PRPF8: variants seen among roughly 807,000 people sequenced by gnomAD.
The protein encoded by PRPF8 is pre-mRNA processing factor 8.
PRPF8 carries 64 observed loss-of-function variants against 285.9 expected under a neutral mutation model. The observed-to-expected ratio is 0.22, with a 90% CI of 0.18 to 0.28. The LOEUF is 0.28. PRPF8 is among the 10% of genes least tolerant of loss of function. The pLI, the probability that PRPF8 is intolerant of heterozygous loss-of-function variation, is 1.00. For synonymous variants in PRPF8, 1,325 were observed against 1,118.2 expected, an observed-to-expected ratio of 1.18 and a Z score of -3.69; for missense variants, 1,426 against 3,026.7, an observed-to-expected ratio of 0.47 and a Z score of 12.41.
At chr17:1,662,950 T>C (rs576725017) in intron 24 of PRPF8, among the ~76,000 whole-genome samples, 28 of 152,148 alleles carry the variant, frequency 1.8e-4, no homozygotes, top group African/African-American at 5.8e-4. Flanking sequence ...ATATTTTTTC[T>C]CATTTTGCAA....
At chr17:1,677,829 A>C in intron 13 of PRPF8, 135 bp from the exon 14 acceptor site, 1 of 1,185,608 alleles carries the variant, frequency 8.4e-7, no homozygotes, top group Non-Finnish European at 1.2e-6. Flanking sequence ...AGGGGTAAAA[A>C]GAAAAAAAAA....
chr17:1,652,655 C>T (rs1186254163), intron 39 of PRPF8: 2 of 152,696 alleles, frequency 1.3e-5, no homozygotes, highest in African/African-American at 4.8e-5. Context: ...AGGTGATCCT[C>T]CCACCTCAGC....
At position 1,681,654 on chromosome 17, in the gene PRPF8, G is replaced by A. The variant is rs200640834; in HGVS notation, c.690C>T (p.Phe230=). The part of the protein sequence containing the change: ...VNGSTYQRWQ[F]TLPMMSTLYR... ...AGAGAGTCGACATCATAGGTAGTGT[G>A]AACTGCCAGCGCTGGTAAGTGGAGC... is the stretch of plus-strand genomic sequence containing the variant. Residue 230 remains phenylalanine, a synonymous_variant, in exon 6 of 43, where the codon TTC becomes TTT. Transcript: ENST00000304992. 416 of 1,614,120 alleles carry A rather than the reference G, an allele frequency of 2.6e-4. 3 individuals carry two copies. In the South Asian group the frequency reaches 4.3e-3, roughly 17 times the overall value.
Position 1,659,489 on chromosome 17 carries a change from C to T in PRPF8, c.5006G>A (p.Gly1669Glu). The change falls in exon 32 of 43, where the codon GGG becomes GAG. Residue 1669 changes from glycine to glutamate, a missense_variant. Gly to Glu is a moderately conservative substitution (Grantham distance 98, BLOSUM62 -2). Around this residue, in one of 34 missense-constraint regions of PRPF8, gnomAD observed 74 missense variants for 161.8 expected, o/e 0.46. Transcript: ENST00000304992. The surrounding 1 kb of genome is among the most constrained non-coding windows in gnomAD (Gnocchi z 5.1). ...CTCAATGTCGTGGGAATCATAGTCC[C>T]CCCAGCGCAACTGGATGTCAATCCA... ...KYWIDIQLRW[G>E]DYDSHDIERY... The T allele has an allele frequency of 6.2e-7, 1 of 1,614,116 alleles. No individual in the cohort carries two copies. The highest frequency in any genetic ancestry group is 8.5e-7 in the Non-Finnish European group (1 of 1,180,026).
Position 1,681,562 on chromosome 17 carries a change from T to C in PRPF8, c.782A>G (p.Lys261Arg). The C allele has an allele frequency of 6.2e-7, 1 of 1,613,862 alleles. No individual in the cohort carries two copies. Among genetic ancestry groups the C allele is most frequent in the Admixed American group, 1.7e-5 (1 of 59,992 alleles). ...DDNYFYLFDL[K>R]AFFTSKALNM... ...GAGTGCCTTGGACGTAAAGAAGGCC[T>C]TCAAATCAAACAGGTAGAAGTAGTT... The change falls in exon 6 of 43, where the codon AAG becomes AGG. Residue 261 changes from lysine (K) to arginine (R), a missense_variant. Around this residue, in one of 34 missense-constraint regions of PRPF8, gnomAD observed 157 missense variants for 159.6 expected, o/e 0.98. Transcript: ENST00000304992.
chr17:1,681,373 C>A, intron 6 of PRPF8, 105 bp downstream of exon 6: 1 of 1,273,482 alleles, frequency 7.9e-7, no homozygotes, highest in Non-Finnish European at 1.1e-6. Context: ...AGCCACTGCA[C>A]CTGGTGTAAA....
rs779897710 is a variant in PRPF8 at position 1,682,227 on chromosome 17, C to G, written c.336G>C (p.Gln112His). Residue 112 changes from glutamine (Q) to histidine (H), a missense_variant, in exon 4 of 43, where the codon CAG becomes CAC. Physicochemically the swap from Gln to His is conservative, Grantham distance 24. Around this residue, in one of 34 missense-constraint regions of PRPF8, gnomAD observed 96 missense variants for 188.3 expected, o/e 0.51. Transcript: ENST00000304992. ...GGTACAGCACAGGCACATCCCGAAT[C>G]TGCTCCCAAGGCATAGGCATGTTCT... is the stretch of plus-strand genomic sequence containing the variant. ...LLENMPMPWE[Q>H]IRDVPVLYHI... The G allele has an allele frequency of 3.1e-6, 5 of 1,614,054 alleles. No individual in the cohort carries two copies. The Admixed American group carries it at 6.7e-5, about 22-fold the overall frequency.
At position 1,675,362 on chromosome 17, in the gene PRPF8, T is replaced by C. The variant is rs1416145813; in HGVS notation, c.2873-23A>G. The C allele has an allele frequency of 6.2e-7, 1 of 1,613,754 alleles. No individual in the cohort carries two copies. Among genetic ancestry groups the C allele is most frequent in the Non-Finnish European group, 8.5e-7 (1 of 1,179,852 alleles). On this transcript the variant is annotated intron_variant, in intron 19 of 42. Coordinates refer to ENST00000304992, the MANE Select transcript of PRPF8 (RefSeq NM_006445.4). The surrounding 1 kb of genome is among the most constrained non-coding windows in gnomAD (Gnocchi z 6.0). The stretch of plus-strand genomic sequence containing the variant: ...TGCCTGAGGAGTAGCAAGGCAGGTC[T>C]CCAGCAGGTTAGAAATCCTCTTGCA...
In PRPF8 at chr17:1,676,840, C is replaced by T; in HGVS notation, c.2182-129G>A. ...AGGAGCTTGAGGCCAGCCTAAGCAACATGGTGCTTCTTTTCCCTGTCTAAA... is the reference window on the plus strand; with the variant it reads ...AGGAGCTTGAGGCCAGCCTAAGCAATATGGTGCTTCTTTTCCCTGTCTAAA... On this transcript the variant is annotated intron_variant, in intron 15 of 42. Transcript: ENST00000304992. This position sits in a 1 kb window ranked among gnomAD's most constrained non-coding sequence, Gnocchi z 6.3. 6.8e-7 allele frequency: 1 copy of T among 1,467,764 alleles called. No homozygotes were observed. Among genetic ancestry groups the T allele is most frequent in the Non-Finnish European group, 9.4e-7 (1 of 1,058,392 alleles). The allele number at this position is 1,467,764 out of a possible 1,614,324, so 90.9% of individuals were successfully genotyped here. A position where few individuals can be genotyped will look rare whatever the true frequency, so the allele number is the denominator to read the frequency against.
Position 1,651,403 on chromosome 17 carries a change from C to T in PRPF8, c.6650+11G>A, listed in dbSNP as rs754989146. ...CCCCACCATACTTCCTCCCAAGGAG[C>T]CCAGGCCCACCTGCATGTGATGATA... On this transcript the variant is annotated intron_variant, in intron 41 of 42. Transcript: ENST00000304992. This position sits in a 1 kb window ranked among gnomAD's most constrained non-coding sequence, Gnocchi z 5.1. 3.7e-6 allele frequency: 6 copies of T among 1,614,096 alleles called. No homozygotes were observed. In the East Asian group the frequency reaches 1.1e-4, roughly 30 times the overall value.
In PRPF8 at chr17:1,684,594, C is replaced by G. The variant is rs1168660205; in HGVS notation, c.-11-12G>C. 1.9e-6 allele frequency: 3 copies of G among 1,611,130 alleles called. No individual in the cohort carries two copies. The African/African-American group carries it at 4.0e-5, about 22-fold the overall frequency. On this transcript the variant is annotated splice_polypyrimidine_tract_variant and intron_variant, in intron 1 of 42. Coordinates refer to ENST00000304992, the MANE Select transcript of PRPF8 (RefSeq NM_006445.4). ...CATATCCGGAGAATCTGGGGAGCGG[C>G]GGGATAGAAAAATTCACTAACCACA...
intron 24 of PRPF8, among the ~76,000 whole-genome samples, chr17:1,666,546 C>CAAAAAGA (rs557014372): frequency 0.05 from 5,598 of 112,832 alleles, 118 homozygotes; most frequent in Middle Eastern, 0.069. Context: ...GACCCCATCT[C>CAAAAAGA]AAAAAAAAAA....
chr17:1,681,673 G>A lies in PRPF8; in HGVS notation c.671C>T (p.Thr224Ile). 1 of 1,614,130 alleles carries A rather than the reference G, an allele frequency of 6.2e-7. No individual in the cohort carries two copies. Among genetic ancestry groups the A allele is most frequent in the Non-Finnish European group, 8.5e-7 (1 of 1,180,028 alleles). The change falls in exon 6 of 43, where the codon ACT becomes ATT. Residue 224 changes from threonine to isoleucine, a missense_variant. Physicochemically the swap from Thr to Ile is moderately conservative, Grantham distance 89. This residue lies in a region of PRPF8 where 157 missense variants were observed against 159.6 expected (regional missense o/e 0.98). Transcript: ENST00000304992. ...RDSRKYVNGS[T>I]YQRWQFTLPM... ...TAGTGTGAACTGCCAGCGCTGGTAA[G>A]TGGAGCCATTTACATACCTAGGTAA...
Position 1,651,818 on chromosome 17 carries a change from TC to T in PRPF8, c.6370-31del. 2 of 1,612,360 alleles carry T rather than the reference TC, an allele frequency of 1.2e-6. No individual in the cohort carries two copies. The highest frequency in any genetic ancestry group is 1.7e-6 in the Non-Finnish European group (2 of 1,178,650). ...AGACAAAGGGGTCAGGAACCAAAAC[TC>T]TTCTTAGTACCAGGTCAGAGTTGGA... is the stretch of plus-strand genomic sequence containing the variant. On this transcript the variant is annotated intron_variant, in intron 39 of 42. Coordinates refer to ENST00000304992, the MANE Select transcript of PRPF8 (RefSeq NM_006445.4). This position sits in a 1 kb window ranked among gnomAD's most constrained non-coding sequence, Gnocchi z 5.1.
chr17:1,679,904 G>A lies in PRPF8; in HGVS notation c.1099-105C>T. The A allele has an allele frequency of 1.5e-6, 2 of 1,356,680 alleles. No individual in the cohort carries two copies. The highest frequency in any genetic ancestry group is 2.3e-5 in the East Asian group (1 of 43,624). The allele number at this position is 1,356,680 out of a possible 1,614,324, so 84.0% of individuals were successfully genotyped here. ...AAGCACAAAGCCTGTATCTGCTATG[G>A]AAACTGGGCTGTCTGACAAAAGCAG... On this transcript the variant is annotated intron_variant, in intron 8 of 42. Transcript: ENST00000304992. The surrounding 1 kb of genome is among the most constrained non-coding windows in gnomAD (Gnocchi z 4.7).
chr17:1,653,768 C>T lies in PRPF8; in HGVS notation c.6227+9G>A, dbSNP rs780136000. 1.2e-5 allele frequency: 20 copies of T among 1,614,010 alleles called. No homozygotes were observed. The highest frequency in any genetic ancestry group is 1.6e-4 in the Middle Eastern group (1 of 6,084). ...GCCTTTCCATCCCCACCCTCTTGCC[C>T]GACAGTACCTGACCCTCCACTCAGT... On this transcript the variant is annotated intron_variant, in intron 38 of 42. Transcript: ENST00000304992. This position sits in a 1 kb window ranked among gnomAD's most constrained non-coding sequence, Gnocchi z 4.9.
At chr17:1,662,624 A>T (rs1911729063) in intron 24 of PRPF8, among the ~76,000 whole-genome samples, 1 of 146,662 alleles carries the variant, frequency 6.8e-6, no homozygotes, top group Admixed American at 6.8e-5. Context: ...CCCCTGGGCC[A>T]GGTGTGGTGG....
In PRPF8 at chr17:1,678,770, C is replaced by A. The variant is rs746109301; in HGVS notation, c.1711G>T (p.Ala571Ser). Residue 571 changes from alanine (A) to serine (S), a missense_variant, in exon 12 of 43, where the codon GCC becomes TCC. Ala to Ser is a moderately conservative substitution (Grantham distance 99). Coordinates refer to ENST00000304992, the MANE Select transcript of PRPF8 (RefSeq NM_006445.4). ...HVQYRLGNVDAFQLADGLQYI... is the reference protein window; with the variant it reads ...HVQYRLGNVDSFQLADGLQYI... Reference sequence around the variant, plus strand: ...GGAATACCTAACCTTACCTGGAAGGCATCCACATTGCCCAGCCGATACTGC... The same window carrying A: ...GGAATACCTAACCTTACCTGGAAGGAATCCACATTGCCCAGCCGATACTGC... 6.2e-7 allele frequency: 1 copy of A among 1,614,028 alleles called. No individual in the cohort carries two copies. The highest frequency in any genetic ancestry group is 1.1e-5 in the South Asian group (1 of 91,088).
In PRPF8 at chr17:1,658,420, C is replaced by T; in HGVS notation, c.5377-39G>A. On this transcript the variant is annotated intron_variant, in intron 33 of 42. Transcript: ENST00000304992. This position sits in a 1 kb window ranked among gnomAD's most constrained non-coding sequence, Gnocchi z 4.1. ...GCATTCGTTAGCATGGCCTACACAA[C>T]ACATCCCCATCCTGCCTTCTTCCCA... The T allele has an allele frequency of 3.7e-6, 6 of 1,614,214 alleles. No homozygotes were observed. The highest frequency in any genetic ancestry group is 4.2e-6 in the Non-Finnish European group (5 of 1,180,026).
Sources: gnomAD v4.1 joint callset for allele counts (sites outside exome capture counted in the v4.1 genomes callset) on GRCh38, gnomAD v4.1.1 for gene constraint, gnomAD v4.1.1 regional missense constraint, Gnocchi (gnomAD v3.1) non-coding constraint, MANE v1.5 for transcripts, NCBI Gene and HGNC (gene_info 2026-07-23, HGNC 2026-07-21) for gene names.